SCN7A: variants seen among roughly 807,000 people sequenced by gnomAD.
SCN7A encodes the protein sodium voltage-gated channel alpha subunit 7.
SCN7A carries 138 observed loss-of-function variants against 155.2 expected under a neutral mutation model. The ratio of observed to expected loss-of-function variants is 0.89; its 90% CI spans 0.77 to 1.02. The LOEUF is 1.02. Ranked by LOEUF, SCN7A falls within the 50% of genes least tolerant of loss-of-function variation. The pLI, the probability that SCN7A is intolerant of heterozygous loss-of-function variation, is 0.00. For synonymous variants in SCN7A, 693 were observed against 649.0 expected, an observed-to-expected ratio of 1.07 and a Z score of -1.03; for missense variants, 2,058 against 1,986.6, an observed-to-expected ratio of 1.04 and a Z score of -0.68.
rs372350164 is a variant in SCN7A at position 166,441,381 on chromosome 2, G to T, written c.2157+15C>A. On this transcript the variant is annotated intron_variant, in intron 15 of 25. Coordinates refer to ENST00000643258, the MANE Select transcript of SCN7A (RefSeq NM_002976.4). ...ACCAGTTTTCATGGAAAATGTAAAAGAATTGACTACTTACCAGTAAATTTC... is the reference window on the plus strand; with the variant it reads ...ACCAGTTTTCATGGAAAATGTAAAATAATTGACTACTTACCAGTAAATTTC... 66 of 1,528,462 alleles carry T rather than the reference G, an allele frequency of 4.3e-5. No homozygotes were observed. Among genetic ancestry groups the T allele is most frequent in the Non-Finnish European group, 5.2e-5 (59 of 1,128,174 alleles). 94.7% of individuals were successfully genotyped at this position (1,528,462 alleles called of 1,614,324 possible). A position where few individuals can be genotyped will look rare whatever the true frequency, so the allele number is the denominator to read the frequency against.
intron 5 of SCN7A, among the ~76,000 whole-genome samples, chr2:166,473,135 T>C (rs1702696571): frequency 6.6e-6 from 1 of 151,596 alleles, no homozygotes; most frequent in African/African-American, 2.4e-5. Context: ...CAAGTTTACC[T>C]ATGGAACAAA....
chr2:166,436,096 A>G (rs1164878247), intron 15 of SCN7A, among the ~76,000 whole-genome samples: 1 of 152,194 alleles, frequency 6.6e-6, no homozygotes, highest in Non-Finnish European at 1.5e-5. Context: ...TCATTCCTCC[A>G]TTAAGTATGG....
At chr2:166,426,794 T>C (rs546630192) in intron 18 of SCN7A, among the ~76,000 whole-genome samples, 9 of 152,198 alleles carry the variant, frequency 5.9e-5, no homozygotes, top group African/African-American at 2.2e-4. Flanking sequence ...CAAACGTGCA[T>C]TCACATTGTG....
chr2:166,447,782 C>A, intron 11 of SCN7A, 74 bp from the exon 12 acceptor site: 3 of 1,028,348 alleles, frequency 2.9e-6, no homozygotes, highest in Non-Finnish European at 4.4e-6. Flanking sequence ...GGTGCACAGC[C>A]TTGCTAAAAA....
Position 166,432,474 on chromosome 2 carries a change from ACTG to A in SCN7A, c.2433_2435del (p.Ser812del). The A allele has an allele frequency of 6.2e-7, 1 of 1,613,630 alleles. No homozygotes were observed. The highest frequency in any genetic ancestry group is 1.1e-5 in the South Asian group (1 of 91,070). On this transcript the variant is annotated inframe_deletion, in exon 16 of 26. Coordinates refer to ENST00000643258, the MANE Select transcript of SCN7A (RefSeq NM_002976.4). ...TTTCAGTAGCGTTTTTCTCTGTGCC[ACTG>A]CTTTTTTCCTTATCTTTGAGAAAAT...
intron 23 of SCN7A, among the ~76,000 whole-genome samples, chr2:166,410,828 T>C (rs955562953): frequency 4.6e-5 from 7 of 152,016 alleles, no homozygotes; most frequent in Admixed American, 4.6e-4. Context: ...TGCTTCTTCA[T>C]AGCACGGTTG....
chr2:166,414,108 TATAA>T (rs1471712704), intron 21 of SCN7A, among the ~76,000 whole-genome samples: 1 of 84,668 alleles, frequency 1.2e-5, no homozygotes, highest in Non-Finnish European at 2.0e-5. Flanking sequence ...ATATATTATA[TATAA>T]ATATATATAA....
intron 21 of SCN7A, among the ~76,000 whole-genome samples, chr2:166,413,383 T>C (rs1405162351): frequency 6.6e-6 from 1 of 152,084 alleles, no homozygotes; most frequent in Non-Finnish European, 1.5e-5. Context: ...ATATAAATGG[T>C]AAATAATTAC....
In SCN7A at chr2:166,447,763, C is replaced by A. The variant is rs16852141; in HGVS notation, c.1291-55G>T. On this transcript the variant is annotated intron_variant, in intron 11 of 25. Transcript: ENST00000643258. Reference sequence around the variant, plus strand: ...GCTTCCTGTCTTTGCAGGTCCAAGACTATAAGAAGGTGCACAGCCTTGCTA... The same window carrying A: ...GCTTCCTGTCTTTGCAGGTCCAAGAATATAAGAAGGTGCACAGCCTTGCTA... 2.2e-3 allele frequency: 2,855 copies of A among 1,289,074 alleles called. 64 individuals are homozygous for A. The African/African-American group carries it at 0.038, about 17-fold the overall frequency. 79.9% of individuals were successfully genotyped at this position (1,289,074 alleles called of 1,614,324 possible). A position where few individuals can be genotyped will look rare whatever the true frequency, so the allele number is the denominator to read the frequency against.
chr2:166,423,949 T>C (rs899736222), intron 18 of SCN7A, among the ~76,000 whole-genome samples: 1 of 152,118 alleles, frequency 6.6e-6, no homozygotes, highest in Non-Finnish European at 1.5e-5. Context: ...AGCTTCTCAG[T>C]TTTAATGTCA....
intron 6 of SCN7A, among the ~76,000 whole-genome samples, chr2:166,471,039 G>C (rs1702644358): frequency 6.6e-6 from 1 of 151,762 alleles, no homozygotes; most frequent in Admixed American, 6.6e-5. Context: ...TGAATATCTA[G>C]TGTTTTAAGG....
chr2:166,461,250 G>C (rs1702402206), intron 10 of SCN7A, among the ~76,000 whole-genome samples: 1 of 151,810 alleles, frequency 6.6e-6, no homozygotes, highest in African/African-American at 2.4e-5. Context: ...AGCATGGACT[G>C]GATGTGTATG....
At chr2:166,461,351 C>A (rs1255550100) in intron 10 of SCN7A, among the ~76,000 whole-genome samples, 1 of 152,070 alleles carries the variant, frequency 6.6e-6, no homozygotes, top group Non-Finnish European at 1.5e-5. Context: ...ACACTATTTT[C>A]TACTATGATA....
chr2:166,445,730 T>C (rs1046199008), intron 12 of SCN7A, among the ~76,000 whole-genome samples: 1 of 152,114 alleles, frequency 6.6e-6, no homozygotes, highest in Non-Finnish European at 1.5e-5. Flanking sequence ...TCATGGTGGA[T>C]AAGCTTTTTG....
At chr2:166,419,260 A>T (rs6750134) in intron 20 of SCN7A, among the ~76,000 whole-genome samples, 4 of 151,586 alleles carry the variant, frequency 2.6e-5, no homozygotes, top group African/African-American at 9.7e-5. Context: ...GTGTGTGTGC[A>T]TGTGTATTTT....
intron 7 of SCN7A, among the ~76,000 whole-genome samples, chr2:166,467,676 T>A (rs1252223588): frequency 6.6e-6 from 1 of 151,642 alleles, no homozygotes; most frequent in Non-Finnish European, 1.5e-5. Context: ...TATATTTTGT[T>A]AGAAAGTTCC....
intron 21 of SCN7A, among the ~76,000 whole-genome samples, chr2:166,414,038 AT>A (rs1324295514): frequency 5.0e-5 from 4 of 80,726 alleles, no homozygotes; most frequent in Non-Finnish European, 7.1e-5. Flanking sequence ...ATATAAATAT[AT>A]TTATATATGT....
intron 5 of SCN7A, among the ~76,000 whole-genome samples, chr2:166,473,442 A>G (rs934479923): frequency 7.3e-5 from 11 of 151,614 alleles, no homozygotes; most frequent in Non-Finnish European, 1.6e-4. Context: ...AACTTCAAGA[A>G]AGCCTTTTCC....
At chr2:166,426,043 C>A (rs1701616299) in intron 18 of SCN7A, among the ~76,000 whole-genome samples, 1 of 152,006 alleles carries the variant, frequency 6.6e-6, no homozygotes, top group South Asian at 2.1e-4. Context: ...ACCTGATGAA[C>A]AAGAAATGGT....
Sources: gnomAD v4.1 joint callset for allele counts (sites outside exome capture counted in the v4.1 genomes callset) on GRCh38, gnomAD v4.1.1 for gene constraint, MANE v1.5 for transcripts, NCBI Gene and HGNC (gene_info 2026-07-23, HGNC 2026-07-21) for gene names.